Variants in ZMYM1 observed in about 807,000 individuals in gnomAD.
ZMYM1 encodes zinc finger MYM-type protein 1.
Under a neutral mutation model 60.0 loss-of-function variants are expected in ZMYM1, and 39 were observed. The ratio of observed to expected loss-of-function variants is 0.65; its 90% CI spans 0.50 to 0.85. The LOEUF (loss-of-function observed/expected upper bound fraction) is 0.85. Among genes scored for constraint, ZMYM1 ranks in the 40% least tolerant of loss-of-function variants. ZMYM1 has a pLI of 0.00. For missense variants in ZMYM1, 1,171 were observed against 1,309.5 expected (o/e 0.89, Z 1.63); for synonymous variants, 413 against 454.0 (o/e 0.91, Z 1.15).
chr1:35,112,048 T>A, intron 8 of ZMYM1, 39 bp from the exon 9 acceptor site: 5 of 1,601,108 alleles, frequency 3.1e-6, no homozygotes, highest in Non-Finnish European at 4.3e-6. Flanking sequence ...TTATAGGTTA[T>A]AGTATATAAG....
rs1328754443 is a variant in ZMYM1 at position 35,089,640 on chromosome 1, T to A, written c.-74-4274T>A. ...AAGAGGTTTTTTGTTATTTTTTTCTTTTTTTGAGCCCATTATTCTAAGTGA... is the reference window on the plus strand; with the variant it reads ...AAGAGGTTTTTTGTTATTTTTTTCTATTTTTGAGCCCATTATTCTAAGTGA... On this transcript the variant is annotated intron_variant, in intron 1 of 9. Transcript: ENST00000359858. Among the ~76,000 whole-genome samples, 3 of 152,050 alleles carry A rather than the reference T, an allele frequency of 2.0e-5. No homozygotes were observed. In the East Asian group the frequency reaches 5.8e-4, roughly 29 times the overall value.
At chr1:35,100,554 G>A (rs1643588699) in intron 4 of ZMYM1, among the ~76,000 whole-genome samples, 1 of 151,652 alleles carries the variant, frequency 6.6e-6, no homozygotes, top group African/African-American at 2.4e-5. Flanking sequence ...CCCAGGAGAC[G>A]GAGGTTGCAG....
At chr1:35,073,182 C>G (rs1394600988) in intron 1 of ZMYM1, among the ~76,000 whole-genome samples, 1 of 141,254 alleles carries the variant, frequency 7.1e-6, no homozygotes, top group Non-Finnish European at 1.5e-5. Context: ...ATTGCTGGAG[C>G]CTAGGAGGTG....
At chr1:35,087,189 A>G (rs756234550) in intron 1 of ZMYM1, among the ~76,000 whole-genome samples, 20 of 150,102 alleles carry the variant, frequency 1.3e-4, no homozygotes, top group Non-Finnish European at 2.8e-4. Context: ...ATGGGGTTTT[A>G]CCATGTTGGC....
intron 1 of ZMYM1, among the ~76,000 whole-genome samples, chr1:35,064,210 G>A (rs907853271): frequency 6.7e-6 from 1 of 149,116 alleles, no homozygotes; most frequent in Admixed American, 6.8e-5. Context: ...TGTAATCCCA[G>A]CTACTCAGGA....
intron 1 of ZMYM1, among the ~76,000 whole-genome samples, chr1:35,085,485 A>G (rs1642606767): frequency 1.3e-5 from 2 of 152,218 alleles, no homozygotes; most frequent in Admixed American, 1.3e-4. Context: ...GAGGAGGTTA[A>G]GGTGCAGCTG....
At chr1:35,082,335 CTT>C (rs747752622) in intron 1 of ZMYM1, among the ~76,000 whole-genome samples, 3 of 143,648 alleles carry the variant, frequency 2.1e-5, no homozygotes, top group Admixed American at 7.0e-5. Context: ...TCCTTTCCAA[CTT>C]TTTTTTTTTT....
At chr1:35,071,328 T>C (rs1375043769) in intron 1 of ZMYM1, among the ~76,000 whole-genome samples, 1 of 152,094 alleles carries the variant, frequency 6.6e-6, no homozygotes, top group Non-Finnish European at 1.5e-5. Context: ...TATTTATTTA[T>C]TTATTTATTT....
At position 35,114,127 on chromosome 1, in the gene ZMYM1, G is replaced by A. The variant is rs764180038; in HGVS notation, c.2297G>A (p.Ser766Asn). The change falls in exon 10 of 10, where the codon AGT (serine) becomes AAT (asparagine). Residue 766 changes from serine (S) to asparagine (N), a missense_variant. Transcript: ENST00000359858. ...TGTAAAGAAGTAAAAGAACTCCGAA[G>A]TGCTCTAAAAACTCTCAGTTCTTTG... The part of the protein sequence containing the change: ...RFCKEVKELR[S>N]ALKTLSSLFN... The A allele has an allele frequency of 1.2e-6, 2 of 1,611,812 alleles. No individual in the cohort carries two copies. The highest frequency in any genetic ancestry group is 8.5e-7 in the Non-Finnish European group (1 of 1,179,404).
intron 6 of ZMYM1, among the ~76,000 whole-genome samples, chr1:35,109,206 T>C (rs1235954078): frequency 6.6e-6 from 1 of 151,998 alleles, no homozygotes; most frequent in Non-Finnish European, 1.5e-5. Context: ...TTTTTATTTA[T>C]TTATTTATTA....
At chr1:35,111,723 T>A in intron 7 of ZMYM1, 49 bp from the exon 8 acceptor site, 1 of 1,512,898 alleles carries the variant, frequency 6.6e-7, no homozygotes. Context: ...CAGTACTTTC[T>A]GATGATTGAT....
chr1:35,089,738 CTTTTTTT>C (rs71029065), intron 1 of ZMYM1, among the ~76,000 whole-genome samples: 4 of 60,992 alleles, frequency 6.6e-5, no homozygotes, highest in South Asian at 8.8e-4. Context: ...AGTTGTAAGG[CTTTTTTT>C]TTTTTTTTTT....
At chr1:35,080,794 C>G (rs144881502) in intron 1 of ZMYM1, among the ~76,000 whole-genome samples, 1 of 152,202 alleles carries the variant, frequency 6.6e-6, no homozygotes, top group Non-Finnish European at 1.5e-5. Context: ...ATCAGTGTAA[C>G]CCGGTACCAA....
At chr1:35,108,084 C>T (rs994808983) in intron 6 of ZMYM1, among the ~76,000 whole-genome samples, 8 of 152,014 alleles carry the variant, frequency 5.3e-5, no homozygotes, top group Non-Finnish European at 1.2e-4. Flanking sequence ...TGCACTCCAG[C>T]CTGGACAACA....
At position 35,113,209 on chromosome 1, in the gene ZMYM1, G is replaced by C. The variant is rs772479298; in HGVS notation, c.1379G>C (p.Cys460Ser). The C allele has an allele frequency of 1.2e-6, 2 of 1,613,378 alleles. No homozygotes were observed. Among genetic ancestry groups the C allele is most frequent in the East Asian group, 2.2e-5 (1 of 44,842 alleles). Residue 460 changes from cysteine (C) to serine (S), a missense_variant, in exon 10 of 10, where the codon TGT becomes TCT. Coordinates refer to ENST00000359858, the MANE Select transcript of ZMYM1 (RefSeq NM_024772.5). The stretch of plus-strand genomic sequence containing the variant: ...AAATCACGAAGTATTAAAAAATCTT[G>C]TTGTGCAGATTTTGAGTGTTTGGAA... ...KGKSRSIKKS[C>S]CADFECLENS... is the part of the protein sequence containing the mutation.
At position 35,097,434 on chromosome 1, in the gene ZMYM1, T is replaced by C; in HGVS notation, c.287T>C (p.Leu96Pro). The change falls in exon 4 of 10, where the codon CTC becomes CCC. Residue 96 changes from leucine (L) to proline (P), a missense_variant. Transcript: ENST00000359858. ...TCCTGTGCTGGTTGTAAAAAAATTC[T>C]CCAGAAGGGGCAAACTGCTTATCAG... ...QVSCAGCKKI[L>P]QKGQTAYQRK... 6.2e-7 allele frequency: 1 copy of C among 1,614,156 alleles called. No homozygotes were observed. Among genetic ancestry groups the C allele is most frequent in the Non-Finnish European group, 8.5e-7 (1 of 1,180,036 alleles).
At chr1:35,110,936 AAATAAT>A (rs1173398367) in intron 7 of ZMYM1, among the ~76,000 whole-genome samples, 3 of 152,072 alleles carry the variant, frequency 2.0e-5, no homozygotes, top group Non-Finnish European at 4.4e-5. Flanking sequence ...TCCATCTCAA[AAATAAT>A]AATAATAAAA....
chr1:35,097,502 A>G lies in ZMYM1; in HGVS notation c.355A>G (p.Thr119Ala), dbSNP rs1044610434. Residue 119 changes from threonine (T) to alanine (A), a missense_variant, in exon 4 of 10, where the codon ACT becomes GCT. Thr to Ala is a moderately conservative substitution (Grantham distance 58, BLOSUM62 0). Coordinates refer to ENST00000359858, the MANE Select transcript of ZMYM1 (RefSeq NM_024772.5). ...ACTTTTCTGCTCCATACCATGCATC[A>G]CTGAATACATTTCATCTGCCAGTTC... ...AQLFCSIPCI[T>A]EYISSASSPV... 6.2e-7 allele frequency: 1 copy of G among 1,614,184 alleles called. No individual in the cohort carries two copies. Among genetic ancestry groups the G allele is most frequent in the Non-Finnish European group, 8.5e-7 (1 of 1,180,014 alleles).
At chr1:35,064,292 CAAAAAAAAA>C (rs371084383) in intron 1 of ZMYM1, among the ~76,000 whole-genome samples, 4,920 of 54,564 alleles carry the variant, frequency 0.09, 310 homozygotes, top group African/African-American at 0.28. Context: ...GATCCTGTCT[CAAAAAAAAA>C]AAAAAAAAAA....
Sources: gnomAD v4.1 joint callset for allele counts (sites outside exome capture counted in the v4.1 genomes callset) on GRCh38, gnomAD v4.1.1 for gene constraint, MANE v1.5 for transcripts, NCBI Gene and HGNC (gene_info 2026-07-23, HGNC 2026-07-21) for gene names.